MCPH1: variants seen among roughly 807,000 people sequenced by gnomAD.
The protein encoded by MCPH1 is microcephalin 1, also known as microcephalin.
Under a neutral mutation model 84.5 loss-of-function variants are expected in MCPH1, and 104 were observed. The ratio of observed to expected loss-of-function variants is 1.23; its 90% CI spans 1.05 to 1.45. The LOEUF is 1.45. Among genes scored for constraint, MCPH1 ranks in the 40% most tolerant of loss-of-function variants. The pLI, the probability that MCPH1 is intolerant of heterozygous loss-of-function variation, is 0.00. For synonymous variants in MCPH1, 514 were observed against 366.8 expected, an observed-to-expected ratio of 1.40 and a Z score of -4.58; for missense variants, 1,498 against 1,005.7, an observed-to-expected ratio of 1.49 and a Z score of -6.62.
intron 12 of MCPH1, among the ~76,000 whole-genome samples, chr8:6,576,498 T>TCCCCTCCCCTTC (rs1554462021): frequency 1.4e-5 from 2 of 139,712 alleles, no homozygotes; most frequent in African/African-American, 2.7e-5. Flanking sequence ...CTTTTCCCTT[T>TCCCCTCCCCTTC]CCCTTCCCCT....
intron 12 of MCPH1, among the ~76,000 whole-genome samples, chr8:6,558,219 A>G (rs1053610766): frequency 1.3e-5 from 2 of 152,202 alleles, no homozygotes; most frequent in East Asian, 1.9e-4. Flanking sequence ...CATTTTAAAT[A>G]AAGGGCTGGT....
At chr8:6,499,188 TG>T (rs1476281037) in intron 11 of MCPH1, among the ~76,000 whole-genome samples, 1 of 152,210 alleles carries the variant, frequency 6.6e-6, no homozygotes, top group Non-Finnish European at 1.5e-5. Context: ...AGTTTGGTCC[TG>T]GAGGAGAGAC....
chr8:6,419,484 C>T (rs1799846017), intron 3 of MCPH1, among the ~76,000 whole-genome samples: 1 of 151,974 alleles, frequency 6.6e-6, no homozygotes. Context: ...GCTCTGCCTC[C>T]CAGGTTCATG....
intron 11 of MCPH1, among the ~76,000 whole-genome samples, chr8:6,497,025 C>A (rs770342801): frequency 3.3e-5 from 5 of 151,990 alleles, no homozygotes; most frequent in Admixed American, 2.6e-4. Context: ...AAATTTTGTT[C>A]TTAGCTGAAG....
chr8:6,515,654 A>G (rs1489694736), intron 12 of MCPH1, among the ~76,000 whole-genome samples: 1 of 152,244 alleles, frequency 6.6e-6, no homozygotes, highest in Non-Finnish European at 1.5e-5. Context: ...GTTTTAAATA[A>G]TAAAGATTAC....
chr8:6,495,191 A>G (rs190671224), intron 11 of MCPH1, among the ~76,000 whole-genome samples: 1 of 152,324 alleles, frequency 6.6e-6, no homozygotes, highest in East Asian at 1.9e-4. Flanking sequence ...AAATTATACT[A>G]TTGACATCCC....
chr8:6,578,303 C>T (rs1827278328), intron 12 of MCPH1, among the ~76,000 whole-genome samples: 1 of 152,206 alleles, frequency 6.6e-6, no homozygotes, highest in South Asian at 2.1e-4. Context: ...CAATTCTAAA[C>T]AGCATTTTCG....
chr8:6,487,873 A>G (rs1259811380), intron 11 of MCPH1, among the ~76,000 whole-genome samples: 1 of 152,210 alleles, frequency 6.6e-6, no homozygotes, highest in African/African-American at 2.4e-5. Context: ...GGACGCTGCA[A>G]ATAATTAGTG....
intron 1 of MCPH1, chr8:6,407,043 C>G (rs1286295931): frequency 5.4e-6 from 2 of 371,938 alleles, no homozygotes; most frequent in Non-Finnish European, 1.0e-5. Context: ...GCTCCCTCCC[C>G]CATGCTGCCT....
At chr8:6,631,898 C>G (rs1428735799) in intron 13 of MCPH1, among the ~76,000 whole-genome samples, 1 of 152,206 alleles carries the variant, frequency 6.6e-6, no homozygotes, top group Non-Finnish European at 1.5e-5. Context: ...ACATTTATAG[C>G]AGCATTGTTC....
chr8:6,490,394 G>A (rs892741710), intron 11 of MCPH1, among the ~76,000 whole-genome samples: 1 of 152,096 alleles, frequency 6.6e-6, no homozygotes. Context: ...CAGGGACTTT[G>A]GGGACATTGT....
intron 12 of MCPH1, among the ~76,000 whole-genome samples, chr8:6,601,499 C>T (rs1210692082): frequency 6.6e-6 from 1 of 150,860 alleles, no homozygotes; most frequent in Non-Finnish European, 1.5e-5. Context: ...CATGACACCC[C>T]CTACCTGTCC....
At chr8:6,638,535 C>A (rs145497824) in intron 13 of MCPH1, among the ~76,000 whole-genome samples, 1 of 150,238 alleles carries the variant, frequency 6.7e-6, no homozygotes, top group Non-Finnish European at 1.5e-5. Context: ...TTAGCTTGTG[C>A]GTAAATGCCT....
chr8:6,545,338 C>G (rs1199273735), intron 12 of MCPH1, among the ~76,000 whole-genome samples: 1 of 152,092 alleles, frequency 6.6e-6, no homozygotes, highest in Non-Finnish European at 1.5e-5. Flanking sequence ...TTATCCATTT[C>G]CTGTGTTTTA....
intron 12 of MCPH1, among the ~76,000 whole-genome samples, chr8:6,540,607 T>C (rs1032242901): frequency 2.0e-5 from 3 of 152,250 alleles, no homozygotes; most frequent in Admixed American, 6.5e-5. Context: ...CACGTCTGCA[T>C]ATATAGATAT....
intron 5 of MCPH1, among the ~76,000 whole-genome samples, chr8:6,437,167 A>G (rs539494942): frequency 2.0e-5 from 3 of 152,204 alleles, no homozygotes; most frequent in East Asian, 1.9e-4. Context: ...GTTTTAATCT[A>G]TGTTACTATG....
rs182817493 is a variant in MCPH1, at chr8:6,416,475, C to T, written c.233+1592C>T. ...TAAATGTCCTTTTTTAGGCTGAGGA[C>T]GTTCCCATTCCCTTCTGTTGCAGGT... On this transcript the variant is annotated intron_variant, in intron 3 of 13. Transcript: ENST00000344683. 2.4e-4 allele frequency among the ~76,000 whole-genome samples: 36 copies of T among 152,222 alleles called. No homozygotes were observed. In the East Asian group the frequency reaches 4.6e-3, roughly 20 times the overall value.
intron 12 of MCPH1, 68 bp downstream of exon 12, chr8:6,499,997 A>C: frequency 7.3e-7 from 1 of 1,371,160 alleles, no homozygotes; most frequent in Non-Finnish European, 1.0e-6. Context: ...TATAAACATA[A>C]GGGTGGACTT....
At chr8:6,627,081 G>C in intron 13 of MCPH1, 1 of 985,104 alleles carries the variant, frequency 1.0e-6, no homozygotes, top group African/African-American at 1.7e-5. Flanking sequence ...TCAGGAAAAA[G>C]ATCCGATAGC....
Sources: gnomAD v4.1 joint callset for allele counts (sites outside exome capture counted in the v4.1 genomes callset) on GRCh38, gnomAD v4.1.1 for gene constraint, MANE v1.5 for transcripts, NCBI Gene and HGNC (gene_info 2026-07-23, HGNC 2026-07-21) for gene names.